Variants in MTFR1 observed in about 807,000 individuals in gnomAD.
The protein encoded by MTFR1 is mitochondrial fission regulator 1, also known as chondrocyte protein with a poly-proline region.
Under a neutral mutation model 38.8 loss-of-function variants are expected in MTFR1, and 28 were observed. The ratio of observed to expected loss-of-function variants is 0.72; its 90% CI spans 0.53 to 0.99. The LOEUF is 0.99. Ranked by LOEUF, MTFR1 falls within the 50% of genes least tolerant of loss-of-function variation. The probability of loss-of-function intolerance (pLI) is 0.00; values close to 1 mark genes in which losing one functional copy is unlikely to be tolerated. For missense variants in MTFR1, 358 were observed against 395.5 expected, an observed-to-expected ratio of 0.91 and a Z score of 0.81; for synonymous variants, 145 against 137.0, an observed-to-expected ratio of 1.06 and a Z score of -0.41.
chr8:65,697,704 G>A (rs1161094644), intron 4 of MTFR1, among the ~76,000 whole-genome samples: 1 of 152,186 alleles, frequency 6.6e-6, no homozygotes, highest in East Asian at 1.9e-4. Context: ...AAACTGACAA[G>A]CTGTTTTCTA....
rs761655527 is a variant in MTFR1 at position 65,707,863 on chromosome 8, C to T, written c.785C>T (p.Pro262Leu). 2 of 1,613,876 alleles carry T rather than the reference C, an allele frequency of 1.2e-6. No individual in the cohort carries two copies. The highest frequency in any genetic ancestry group is 1.3e-5 in the African/African-American group (1 of 74,866). The change falls in exon 7 of 8, where the codon CCC (proline) becomes CTC (leucine). Residue 262 changes from proline to leucine, a missense_variant. Pro to Leu is a moderately conservative substitution (Grantham distance 98). Transcript: ENST00000262146. ...SVKRSEQDVK[P>L]KPVDATDPAA... ...CTAAGGTCAGAGCAAGATGTGAAGC[C>T]CAAGCCAGTGGATGCTACTGACCCT...
chr8:65,643,962 A>C (rs1563427191), upstream of MTFR1, among the ~76,000 whole-genome samples: 4 of 152,196 alleles, frequency 2.6e-5, no homozygotes. Context: ...CTCCGGGATC[A>C]ATTGCAATGG....
intron 3 of MTFR1, chr8:65,682,725 G>A: frequency 2.0e-6 from 2 of 978,184 alleles, no homozygotes; most frequent in South Asian, 4.7e-5. Flanking sequence ...TAATTCCTAG[G>A]TGACCTCAAA....
intron 3 of MTFR1, among the ~76,000 whole-genome samples, chr8:65,760,181 A>G (rs1225773560): frequency 6.6e-6 from 1 of 152,222 alleles, no homozygotes; most frequent in East Asian, 1.9e-4. Context: ...TAGAGGTTGC[A>G]GTGAGCTAAG....
chr8:65,708,554 A>C (rs1240605230), intron 7 of MTFR1, among the ~76,000 whole-genome samples: 1 of 152,186 alleles, frequency 6.6e-6, no homozygotes, highest in Non-Finnish European at 1.5e-5. Flanking sequence ...CCCACATAAT[A>C]ATTGATACAT....
intron 3 of MTFR1, among the ~76,000 whole-genome samples, chr8:65,748,749 T>C (rs1051908160): frequency 6.6e-6 from 1 of 152,192 alleles, no homozygotes. Context: ...AGCCCTGTGT[T>C]TCCTTATGTG....
At chr8:65,750,474 CTG>C (rs371620919) in intron 3 of MTFR1, among the ~76,000 whole-genome samples, 3,258 of 142,690 alleles carry the variant, frequency 0.023, 133 homozygotes, top group African/African-American at 0.075. Context: ...ATTAGAATCA[CTG>C]TGTGTGTGTG....
Position 65,677,068 on chromosome 8 carries a change from C to CTTTTT in MTFR1, c.67-5266_67-5262dup, listed in dbSNP as rs1166560010. On this transcript the variant is annotated intron_variant, in intron 2 of 7. Coordinates refer to ENST00000262146, the MANE Select transcript of MTFR1 (RefSeq NM_014637.4). ...GGTTTTTCTGTTTAGCTATTTCTCTCTTTTTTTTTTTTTTTTTTTTTTTGA... is the reference window on the plus strand; with the variant it reads ...GGTTTTTCTGTTTAGCTATTTCTCTCTTTTTTTTTTTTTTTTTTTTTTTTTTTTGA... Among the ~76,000 whole-genome samples the CTTTTT allele has an allele frequency of 8.6e-4, 86 of 100,100 alleles. 1 individual carries two copies. Among genetic ancestry groups the CTTTTT allele is most frequent in the South Asian group, 2.9e-3 (9 of 3,152 alleles). 65.7% of individuals were successfully genotyped at this position (100,100 alleles called of 152,430 possible).
rs554035602 is a variant in MTFR1, at chr8:65,661,534, G to A, written c.-80-8339G>A. Among the ~76,000 whole-genome samples the A allele has an allele frequency of 2.6e-5, 4 of 152,138 alleles. No homozygotes were observed. The South Asian group carries it at 8.3e-4, about 32-fold the overall frequency. On this transcript the variant is annotated intron_variant, in intron 1 of 7. Coordinates refer to ENST00000262146, the MANE Select transcript of MTFR1 (RefSeq NM_014637.4). ...TGCCTGTAATACCAGCTATTTAAGA[G>A]GCATGAGAATCGCTTGAACCTGGGA...
Position 65,693,776 on chromosome 8 carries a change from A to G in MTFR1, c.281+17A>G. 3 of 1,570,530 alleles carry G rather than the reference A, an allele frequency of 1.9e-6. No individual in the cohort carries two copies. The highest frequency in any genetic ancestry group is 2.6e-6 in the Non-Finnish European group (3 of 1,140,590). The stretch of plus-strand genomic sequence containing the variant: ...AAGACTAAGGTTAGTTTGGAAGGCT[A>G]TCAGAACTGAGATGCAATATCTATT... On this transcript the variant is annotated intron_variant, in intron 4 of 7. Transcript: ENST00000262146.
chr8:65,674,703 T>C (rs529531007), intron 2 of MTFR1, among the ~76,000 whole-genome samples: 1 of 152,326 alleles, frequency 6.6e-6, no homozygotes, highest in East Asian at 1.9e-4. Flanking sequence ...CCAGTGGTGA[T>C]TGGCTCATTG....
intron 1 of MTFR1, among the ~76,000 whole-genome samples, chr8:65,654,139 A>G (rs1056051787): frequency 1.3e-5 from 2 of 152,118 alleles, no homozygotes; most frequent in African/African-American, 4.8e-5. Flanking sequence ...ACATACAAAC[A>G]ATACAGGAGT....
chr8:65,775,659 G>A (rs764555929), downstream of MTFR1, among the ~76,000 whole-genome samples: 7 of 152,126 alleles, frequency 4.6e-5, no homozygotes, highest in African/African-American at 9.7e-5. Flanking sequence ...ACGAAGTCTC[G>A]CTCTGTAGCC....
rs1232374542 is a variant in MTFR1 at position 65,733,902 on chromosome 8, G to A, written c.*48+14421G>A. 2.0e-5 allele frequency among the ~76,000 whole-genome samples: 3 copies of A among 152,158 alleles called. No homozygotes were observed. The East Asian group carries it at 5.8e-4, about 29-fold the overall frequency. On this transcript the variant is annotated intron_variant, in intron 3 of 3. Coordinates refer to the MTFR1 transcript ENST00000521247. ...TAGCCAGAACTAAGATCTAGGGAGA[G>A]AGCAGTTTTGAAGTAGAGATGGGAT...
chr8:65,668,621 C>G (rs1363515490), intron 1 of MTFR1, among the ~76,000 whole-genome samples: 1 of 145,762 alleles, frequency 6.9e-6, no homozygotes, highest in Non-Finnish European at 1.5e-5. Flanking sequence ...TCAAGCGATT[C>G]TCCTGCCCCA....
intron 3 of MTFR1, chr8:65,724,245 T>C (rs763103921): frequency 1.9e-6 from 3 of 1,564,100 alleles, no homozygotes; most frequent in African/African-American, 1.4e-5. Context: ...CACTCAATAC[T>C]GTAACTTGCC....
intron 1 of MTFR1, among the ~76,000 whole-genome samples, chr8:65,665,646 C>G (rs561793272): frequency 6.6e-6 from 1 of 152,160 alleles, no homozygotes; most frequent in Non-Finnish European, 1.5e-5. Flanking sequence ...ATCGCGCTAG[C>G]CAGCCACTTT....
At chr8:65,767,981 C>T (rs534023363) in intron 3 of MTFR1, among the ~76,000 whole-genome samples, 2 of 152,064 alleles carry the variant, frequency 1.3e-5, no homozygotes, top group African/African-American at 2.4e-5. Context: ...GGCTGGGAGG[C>T]AGGTTTAGGA....
chr8:65,705,008 G>A, intron 5 of MTFR1, 79 bp downstream of exon 5: 1 of 1,230,346 alleles, frequency 8.1e-7, no homozygotes, highest in Non-Finnish European at 1.2e-6. Flanking sequence ...AAATCAATTA[G>A]TAACAGCTAT....
Sources: allele counts gnomAD v4.1 joint callset (sites outside exome capture counted in the v4.1 genomes callset), GRCh38; gene constraint gnomAD v4.1.1; transcripts MANE v1.5; gene names NCBI Gene and HGNC (gene_info 2026-07-23, HGNC 2026-07-21).